The following TAOK3 variants were observed in gnomAD, a reference collection of about 807,000 sequenced individuals.
TAOK3 encodes the protein TAO kinase 3.
In TAOK3, 40 loss-of-function variants were observed where a neutral mutation model predicts 120.4. That is an observed-to-expected ratio of 0.33 (90% CI 0.26 to 0.43). TAOK3 has a LOEUF of 0.43. Among genes scored for constraint, TAOK3 ranks in the 20% least tolerant of loss-of-function variants. The pLI, the probability that TAOK3 is intolerant of heterozygous loss-of-function variation, is 1.00. For missense variants in TAOK3, 821 were observed against 1,112.1 expected, an observed-to-expected ratio of 0.74 and a Z score of 3.72; for synonymous variants, 355 against 387.5, an observed-to-expected ratio of 0.92 and a Z score of 0.99.
chr12:118,227,260 TA>T (rs1401226258), intron 9 of TAOK3, among the ~76,000 whole-genome samples: 4 of 146,192 alleles, frequency 2.7e-5, no homozygotes, highest in Non-Finnish European at 6.0e-5. Flanking sequence ...TAATATAATA[TA>T]AAATTATGTT....
chr12:118,273,523 G>A (rs1276023782), intron 1 of TAOK3, among the ~76,000 whole-genome samples: 3 of 150,616 alleles, frequency 2.0e-5, no homozygotes, highest in Admixed American at 1.3e-4. Context: ...AAAAGAAAAA[G>A]AAAAAAATAG....
chr12:118,271,797 T>C (rs2041709485), intron 1 of TAOK3, among the ~76,000 whole-genome samples: 1 of 152,326 alleles, frequency 6.6e-6, no homozygotes, highest in East Asian at 1.9e-4. Context: ...AAAATGACCA[T>C]TCAAATTAAT....
At chr12:118,305,237 T>C (rs2043008106) in intron 1 of TAOK3, among the ~76,000 whole-genome samples, 1 of 152,058 alleles carries the variant, frequency 6.6e-6, no homozygotes, top group African/African-American at 2.4e-5. Flanking sequence ...TCCCAACACT[T>C]TCGGAGGCTG....
chr12:118,193,442 A>G (rs2037542357), intron 13 of TAOK3, among the ~76,000 whole-genome samples: 2 of 152,220 alleles, frequency 1.3e-5, no homozygotes, highest in African/African-American at 4.8e-5. Flanking sequence ...AAAGAATTGA[A>G]TTTCTATACA....
At chr12:118,239,561 C>T (rs926545961) in intron 5 of TAOK3, among the ~76,000 whole-genome samples, 1 of 152,164 alleles carries the variant, frequency 6.6e-6, no homozygotes, top group African/African-American at 2.4e-5. Flanking sequence ...TTTATTAACT[C>T]CTTCACTACT....
intron 1 of TAOK3, among the ~76,000 whole-genome samples, chr12:118,313,284 CT>C (rs931357348): frequency 1.3e-5 from 2 of 150,386 alleles, no homozygotes; most frequent in South Asian, 2.1e-4. Context: ...TTTATTTTAT[CT>C]TTTTTTTTGA....
chr12:118,261,097 A>G (rs2041208673), intron 2 of TAOK3, among the ~76,000 whole-genome samples: 1 of 152,208 alleles, frequency 6.6e-6, no homozygotes, highest in South Asian at 2.1e-4. Context: ...TTGAAGACAC[A>G]ACAACAGGAA....
intron 1 of TAOK3, among the ~76,000 whole-genome samples, chr12:118,323,352 A>C (rs1158286467): frequency 1.3e-5 from 2 of 152,200 alleles, no homozygotes; most frequent in Non-Finnish European, 2.9e-5. Flanking sequence ...TTATTCAATA[A>C]AATGACATAA....
At chr12:118,356,907 G>T (rs1047796903) in intron 1 of TAOK3, among the ~76,000 whole-genome samples, 1 of 152,162 alleles carries the variant, frequency 6.6e-6, no homozygotes, top group Non-Finnish European at 1.5e-5. Context: ...GGGTGACAGG[G>T]TGAGACTCTG....
chr12:118,217,640 T>C (rs1593191425), intron 9 of TAOK3, among the ~76,000 whole-genome samples: 1 of 150,990 alleles, frequency 6.6e-6, no homozygotes, highest in African/African-American at 2.4e-5. Flanking sequence ...GCTGAGATCA[T>C]GCCACTGCAC....
intron 2 of TAOK3, among the ~76,000 whole-genome samples, chr12:118,259,411 T>C (rs2041129168): frequency 6.6e-6 from 1 of 152,006 alleles, no homozygotes; most frequent in Non-Finnish European, 1.5e-5. Context: ...TATGGTGGTG[T>C]ACGCCTGTAG....
chr12:118,198,898 A>G (rs1203154850), intron 13 of TAOK3, 153 bp downstream of exon 13: 9 of 717,442 alleles, frequency 1.3e-5, no homozygotes, highest in Admixed American at 1.1e-4. Context: ...GTCCTTTGTT[A>G]CTTTTTGACT....
At chr12:118,334,883 CAAA>C (rs551811228) in intron 1 of TAOK3, among the ~76,000 whole-genome samples, 2 of 95,200 alleles carry the variant, frequency 2.1e-5, no homozygotes, top group Admixed American at 1.3e-4. Context: ...ACTCCGTCTC[CAAA>C]AAAAAAAAAA....
Position 118,212,922 on chromosome 12 carries a change from G to C in TAOK3, c.811C>G (p.Leu271Val). 1 of 1,610,008 alleles carries C rather than the reference G, an allele frequency of 6.2e-7. No homozygotes were observed. The highest frequency in any genetic ancestry group is 8.5e-7 in the Non-Finnish European group (1 of 1,177,514). Reference sequence around the variant, plus strand: ...TAAATTTGAAAAATTACCCTTAATAGTTCTGCTGATGTTGGCCTTTCCTGA... The same window carrying C: ...TAAATTTGAAAAATTACCCTTAATACTTCTGCTGATGTTGGCCTTTCCTGA... ...IPQERPTSAE[L>V]LRHDFVRRDR... The change falls in exon 11 of 21, where the codon CTA (leucine) becomes GTA (valine). Residue 271 changes from leucine to valine, a missense_variant. Physicochemically the swap from Leu to Val is conservative, Grantham distance 32. Around this residue, in one of 2 missense-constraint regions of TAOK3, gnomAD observed 467 missense variants for 540.0 expected, o/e 0.86. Transcript: ENST00000392533.
At chr12:118,324,631 G>A (rs1353268621) in intron 1 of TAOK3, among the ~76,000 whole-genome samples, 4 of 150,864 alleles carry the variant, frequency 2.7e-5, no homozygotes, top group African/African-American at 7.3e-5. Context: ...GTTCCCACAT[G>A]AGCGAGAACA....
intron 13 of TAOK3, among the ~76,000 whole-genome samples, chr12:118,193,831 A>G (rs568328224): frequency 2.4e-4 from 37 of 152,256 alleles, no homozygotes; most frequent in Admixed American, 2.2e-3. Context: ...GTTTACTTTT[A>G]TCACAGTACT....
At chr12:118,296,676 T>C (rs1164600583) in intron 1 of TAOK3, among the ~76,000 whole-genome samples, 5 of 152,220 alleles carry the variant, frequency 3.3e-5, no homozygotes, top group Non-Finnish European at 5.9e-5. Flanking sequence ...TGACATTTAA[T>C]TGATATATGT....
chr12:118,361,480 T>C (rs994352096), intron 1 of TAOK3, among the ~76,000 whole-genome samples: 11 of 151,274 alleles, frequency 7.3e-5, no homozygotes, highest in Non-Finnish European at 1.2e-4. Flanking sequence ...TTTTTTGAGA[T>C]GGAGTCTGAC....
intron 13 of TAOK3, among the ~76,000 whole-genome samples, chr12:118,191,376 A>T (rs1294686842): frequency 6.6e-6 from 1 of 152,264 alleles, no homozygotes; most frequent in Non-Finnish European, 1.5e-5. Context: ...GAGGGCATAT[A>T]TATCAAATTC....
Sources: allele counts gnomAD v4.1 joint callset (sites outside exome capture counted in the v4.1 genomes callset), GRCh38; gene constraint gnomAD v4.1.1; regional missense constraint gnomAD v4.1.1; transcripts MANE v1.5; gene names NCBI Gene and HGNC (gene_info 2026-07-23, HGNC 2026-07-21).